CACNG4: variants seen among roughly 807,000 people sequenced by gnomAD.
CACNG4 encodes the protein voltage-dependent calcium channel gamma-4 subunit.
In CACNG4, 8 loss-of-function variants were observed where a neutral mutation model predicts 22.9. The ratio of observed to expected loss-of-function variants is 0.35; its 90% CI spans 0.21 to 0.63. CACNG4 has a LOEUF of 0.63. CACNG4 is among the 30% of genes least tolerant of loss of function. The pLI, the probability that CACNG4 is intolerant of heterozygous loss-of-function variation, is 0.72. For missense variants in CACNG4, 357 were observed against 455.4 expected (o/e 0.78, Z 1.97); for synonymous variants, 188 against 191.9 (o/e 0.98, Z 0.17).
At chr17:67,028,581 A>T (rs760983159) in intron 3 of CACNG4, among the ~76,000 whole-genome samples, 17 of 152,108 alleles carry the variant, frequency 1.1e-4, no homozygotes, top group Non-Finnish European at 2.4e-4. Context: ...CAGAAAAAAA[A>T]CGCAATGGAT....
chr17:67,024,818 T>A, intron 2 of CACNG4, 42 bp from the exon 3 acceptor site: 1 of 1,459,772 alleles, frequency 6.9e-7, no homozygotes, highest in South Asian at 1.4e-5. Flanking sequence ...GGGCACCTGA[T>A]CTCACTGCCC....
intron 3 of CACNG4, among the ~76,000 whole-genome samples, chr17:67,025,854 G>C (rs1190428178): frequency 2.0e-5 from 3 of 152,254 alleles, no homozygotes; most frequent in Non-Finnish European, 4.4e-5. Context: ...CAGCCTTAGA[G>C]GGGCTGGCTC....
intron 2 of CACNG4, among the ~76,000 whole-genome samples, chr17:67,022,171 T>A (rs1401882981): frequency 6.6e-6 from 1 of 150,964 alleles, no homozygotes; most frequent in Non-Finnish European, 1.5e-5. Context: ...TGCTCCCGGG[T>A]TCAGGCGATT....
intron 1 of CACNG4, among the ~76,000 whole-genome samples, chr17:66,992,013 G>A (rs1057280152): frequency 6.6e-6 from 1 of 152,176 alleles, no homozygotes; most frequent in African/African-American, 2.4e-5. Context: ...CTCACTCAAA[G>A]GTGACCTTCC....
intron 1 of CACNG4, among the ~76,000 whole-genome samples, chr17:66,976,912 C>T (rs995220985): frequency 2.0e-5 from 3 of 152,190 alleles, no homozygotes; most frequent in African/African-American, 4.8e-5. Context: ...CCGCCCCCTC[C>T]GTCTCCAGCC....
At position 66,973,187 on chromosome 17, in the gene CACNG4, C is replaced by T. The variant is rs557494405; in HGVS notation, c.220+8056C>T. Among the ~76,000 whole-genome samples, 681 of 150,422 alleles carry T rather than the reference C, an allele frequency of 4.5e-3. 7 individuals are homozygous for T. Among genetic ancestry groups the T allele is most frequent in the African/African-American group, 0.015 (624 of 40,952 alleles). Reference sequence around the variant, plus strand: ...CCTGGGAGGCGGAGGTTGCACTGAGCTGAGAGCTCGCCACTACACCCCAGC... The same window carrying T: ...CCTGGGAGGCGGAGGTTGCACTGAGTTGAGAGCTCGCCACTACACCCCAGC... On this transcript the variant is annotated intron_variant, in intron 1 of 3. Transcript: ENST00000262138.
chr17:67,030,899 C>T lies in CACNG4; in HGVS notation c.879C>T (p.Ser293=), dbSNP rs369344199. The T allele has an allele frequency of 4.2e-5, 68 of 1,612,568 alleles. No homozygotes were observed. The highest frequency in any genetic ancestry group is 5.6e-5 in the Non-Finnish European group (66 of 1,180,022). ...AGGTGACCACCGCAGCCAGCTACAGCCCCGACCAGGAGGCCAGCTTCCTGC... is the reference window on the plus strand; with the variant it reads ...AGGTGACCACCGCAGCCAGCTACAGTCCCGACCAGGAGGCCAGCTTCCTGC... ...PLKVTTAASY[S]PDQEASFLQV... is the part of the protein sequence containing the mutation. Residue 293 remains serine (S), a synonymous_variant, in exon 4 of 4, where the codon AGC becomes AGT. Coordinates refer to ENST00000262138, the MANE Select transcript of CACNG4 (RefSeq NM_014405.4). This position sits in a 1 kb window ranked among gnomAD's most constrained non-coding sequence, Gnocchi z 6.4.
intron 1 of CACNG4, among the ~76,000 whole-genome samples, chr17:66,973,846 C>T (rs1234931922): frequency 6.6e-6 from 1 of 152,142 alleles, no homozygotes; most frequent in African/African-American, 2.4e-5. Context: ...CCTGGATCTG[C>T]CCCCAACGTC....
Position 66,965,179 on chromosome 17 carries a change from CACACACATAT to C in CACNG4, c.220+55_220+64del, listed in dbSNP as rs779830441. ...GCCGCCCCACACACACACACACACACACACACATATACACACGCGCGCGCGCGCGCGCGCA... is the reference window on the plus strand; with the variant it reads ...GCCGCCCCACACACACACACACACACACACACGCGCGCGCGCGCGCGCGCA... On this transcript the variant is annotated intron_variant, in intron 1 of 3. Transcript: ENST00000262138. 2.7e-4 allele frequency: 299 copies of C among 1,109,690 alleles called. No individual in the cohort carries two copies. In the East Asian group the frequency reaches 7.2e-3, roughly 27 times the overall value. The allele number at this position is 1,109,690 out of a possible 1,614,324, so 68.7% of individuals were successfully genotyped here.
At chr17:67,010,492 G>A (rs1197409219) in intron 1 of CACNG4, among the ~76,000 whole-genome samples, 1 of 152,194 alleles carries the variant, frequency 6.6e-6, no homozygotes, top group African/African-American at 2.4e-5. Flanking sequence ...AAGGGTGTTA[G>A]CCTGTCTACC....
intron 3 of CACNG4, among the ~76,000 whole-genome samples, chr17:67,028,736 G>T (rs1205140744): frequency 6.6e-6 from 1 of 152,186 alleles, no homozygotes; most frequent in Non-Finnish European, 1.5e-5. Context: ...GACGCATAAG[G>T]AGTGGGAGTA....
At chr17:66,967,695 C>A (rs1171885234) in intron 1 of CACNG4, among the ~76,000 whole-genome samples, 3 of 152,196 alleles carry the variant, frequency 2.0e-5, no homozygotes, top group African/African-American at 7.2e-5. Context: ...ATGAAAAAAT[C>A]AAACCTCTGG....
chr17:66,989,837 C>T (rs1428801101), intron 1 of CACNG4, among the ~76,000 whole-genome samples: 1 of 150,170 alleles, frequency 6.7e-6, no homozygotes, highest in African/African-American at 2.5e-5. Context: ...TCCTGATTGA[C>T]AGTGGAGGAA....
chr17:66,970,156 T>C (rs1166179187), intron 1 of CACNG4, among the ~76,000 whole-genome samples: 1 of 152,188 alleles, frequency 6.6e-6, no homozygotes, highest in African/African-American at 2.4e-5. Flanking sequence ...TTGTAGAAAA[T>C]GAGGCTTAAG....
chr17:67,024,711 C>T (rs4790996), intron 2 of CACNG4, 149 bp from the exon 3 acceptor site: 52,287 of 859,718 alleles, frequency 0.061, 1,884 homozygotes, highest in Admixed American at 0.1. Flanking sequence ...AGGCACTGGC[C>T]CACCTCGAGT....
chr17:67,015,710 C>T (rs191248339), intron 1 of CACNG4, among the ~76,000 whole-genome samples: 1 of 152,302 alleles, frequency 6.6e-6, no homozygotes, highest in Admixed American at 6.5e-5. Flanking sequence ...CGCTGCAGAG[C>T]AAATCGGGAA....
chr17:67,017,498 C>CGTTGTTGTT (rs34653846), intron 1 of CACNG4, among the ~76,000 whole-genome samples: 24 of 150,338 alleles, frequency 1.6e-4, no homozygotes, highest in Admixed American at 7.9e-4. Context: ...TGGGCAAATT[C>CGTTGTTGTT]GTTGTTGTTG....
chr17:66,981,726 G>A (rs1484624648), intron 1 of CACNG4, among the ~76,000 whole-genome samples: 1 of 152,170 alleles, frequency 6.6e-6, no homozygotes, highest in Non-Finnish European at 1.5e-5. Flanking sequence ...CCTCTGTTTA[G>A]AGTCCAGAAT....
intron 1 of CACNG4, among the ~76,000 whole-genome samples, chr17:66,977,581 T>A (rs554048835): frequency 2.0e-5 from 3 of 152,244 alleles, no homozygotes; most frequent in Non-Finnish European, 4.4e-5. Flanking sequence ...CCCTCCCCCA[T>A]CTCATCAGAT....
Sources: allele counts gnomAD v4.1 joint callset (sites outside exome capture counted in the v4.1 genomes callset), GRCh38; gene constraint gnomAD v4.1.1; non-coding constraint Gnocchi (gnomAD v3.1); transcripts MANE v1.5; gene names NCBI Gene and HGNC (gene_info 2026-07-23, HGNC 2026-07-21).